Variants in B4GALT2 observed in about 807,000 individuals in gnomAD.
B4GALT2 encodes N-acetyllactosamine synthase.
A neutral mutation model predicts 33.2 loss-of-function variants in B4GALT2; 18 were observed. That is an observed-to-expected ratio of 0.54 (90% CI 0.38 to 0.80). B4GALT2 has a LOEUF of 0.80. Ranked by LOEUF, B4GALT2 falls within the 30% of genes least tolerant of loss-of-function variation. The pLI is 0.00. For missense variants in B4GALT2, 404 were observed against 526.2 expected, an observed-to-expected ratio of 0.77 and a Z score of 2.27; for synonymous variants, 214 against 217.6, an observed-to-expected ratio of 0.98 and a Z score of 0.15.
chr1:43,988,050 C>G (rs1206343822), intron 6 of B4GALT2, among the ~76,000 whole-genome samples: 1 of 152,166 alleles, frequency 6.6e-6, no homozygotes, highest in Non-Finnish European at 1.5e-5. Context: ...ATGGCAGTAG[C>G]CTTGGTGCTT....
Position 43,990,623 on chromosome 1 carries a change from C to T in B4GALT2, c.*175C>T, listed in dbSNP as rs2085720484. 1 of 889,140 alleles carries T rather than the reference C, an allele frequency of 1.1e-6. No homozygotes were observed. The highest frequency in any genetic ancestry group is 1.7e-6 in the Non-Finnish European group (1 of 597,754). 55.1% of individuals were successfully genotyped at this position (889,140 alleles called of 1,614,324 possible). On this transcript the variant is annotated 3_prime_UTR_variant, in exon 7 of 7. Coordinates refer to ENST00000372324, the MANE Select transcript of B4GALT2 (RefSeq NM_003780.5). ...AAGTTTCAGAACCCACTTTGGGGGG[C>T]CTCCTGCCTGGGCAGGCTCTTCAAG...
Position 43,981,616 on chromosome 1 carries a change from C to T in B4GALT2, c.314-73C>T, listed in dbSNP as rs2154303200. On this transcript the variant is annotated intron_variant, in intron 2 of 6. Coordinates refer to ENST00000372324, the MANE Select transcript of B4GALT2 (RefSeq NM_003780.5). The surrounding 1 kb of genome is among the most constrained non-coding windows in gnomAD (Gnocchi z 8.1). ...TTCTTGGGGTTCCCTAGCCCACCCC[C>T]AGGCTGAGGGTGGGGGCTGGTATCT... 1 of 1,545,054 alleles carries T rather than the reference C, an allele frequency of 6.5e-7. No individual in the cohort carries two copies. Among genetic ancestry groups the T allele is most frequent in the East Asian group, 2.3e-5 (1 of 44,252 alleles).
intron 6 of B4GALT2, among the ~76,000 whole-genome samples, chr1:43,989,543 G>A (rs563210858): frequency 2.1e-4 from 32 of 152,238 alleles, no homozygotes; most frequent in Admixed American, 3.9e-4. Context: ...AATATTTACG[G>A]AGGGGGTCCT....
At position 43,981,898 on chromosome 1, in the gene B4GALT2, C is replaced by T. The variant is rs148494875; in HGVS notation, c.523C>T (p.Arg175Cys). The T allele has an allele frequency of 3.7e-6, 6 of 1,613,700 alleles. No homozygotes were observed. The highest frequency in any genetic ancestry group is 2.7e-5 in the African/African-American group (2 of 74,942). The change falls in exon 3 of 7, where the codon CGC becomes TGC. Residue 175 changes from arginine (R) to cysteine (C), a missense_variant. Physicochemically the swap from Arg to Cys is radical, Grantham distance 180. Transcript: ENST00000372324. The surrounding 1 kb of genome is among the most constrained non-coding windows in gnomAD (Gnocchi z 8.1). ...LHPILRRQRLRYGVYVINQHG... is the reference protein window; with the variant it reads ...LHPILRRQRLCYGVYVINQHG... ...CCCCATCTTGAGGCGGCAGCGGCTG[C>T]GCTACGGCGTCTATGTCATCAACCA...
rs879035235 is a variant in B4GALT2, at chr1:43,990,716, A to G, written c.*268A>G. 1 of 500,842 alleles carries G rather than the reference A, an allele frequency of 2.0e-6. No individual in the cohort carries two copies. Among genetic ancestry groups the G allele is most frequent in the Non-Finnish European group, 3.6e-6 (1 of 275,780 alleles). The allele number at this position is 500,842 out of a possible 1,614,324, so 31.0% of individuals were successfully genotyped here. ...CCCTAGCCCAGCCCCAGTCACTGTC[A>G]GGGTCGGGCCAGCCCCTGCACTGCC... On this transcript the variant is annotated 3_prime_UTR_variant, in exon 7 of 7. Transcript: ENST00000372324.
At position 43,990,670 on chromosome 1, in the gene B4GALT2, C is replaced by T. The variant is rs985534758; in HGVS notation, c.*222C>T. On this transcript the variant is annotated 3_prime_UTR_variant, in exon 7 of 7. Coordinates refer to ENST00000372324, the MANE Select transcript of B4GALT2 (RefSeq NM_003780.5). ...CAAGTGTGGCCCTCTTTGGAGTCAA[C>T]CCTCCTTCCCGACCCCCTCCCCCTA... The T allele has an allele frequency of 1.6e-6, 1 of 608,948 alleles. No individual in the cohort carries two copies. The highest frequency in any genetic ancestry group is 1.9e-5 in the African/African-American group (1 of 53,868). 37.7% of individuals were successfully genotyped at this position (608,948 alleles called of 1,614,324 possible).
intron 6 of B4GALT2, among the ~76,000 whole-genome samples, chr1:43,989,542 G>T (rs1408814643): frequency 2.0e-5 from 3 of 152,126 alleles, no homozygotes; most frequent in Non-Finnish European, 4.4e-5. Context: ...GAATATTTAC[G>T]GAGGGGGTCC....
chr1:43,986,177 T>C (rs1198895100), intron 6 of B4GALT2: 1 of 156,278 alleles, frequency 6.4e-6, no homozygotes, highest in Non-Finnish European at 1.4e-5. Context: ...AAAGGGTGTG[T>C]GAAATGTAAA....
At chr1:43,989,157 A>G (rs1340216429) in intron 6 of B4GALT2, among the ~76,000 whole-genome samples, 1 of 151,824 alleles carries the variant, frequency 6.6e-6, no homozygotes, top group Admixed American at 6.6e-5. Flanking sequence ...GACCAGCCTG[A>G]CCAACATGGT....
Position 43,981,232 on chromosome 1 carries a change from C to T in B4GALT2, c.72C>T (p.Phe24=). Residue 24 remains phenylalanine (F), a synonymous_variant, in exon 2 of 7, where the codon TTC becomes TTT. Coordinates refer to ENST00000372324, the MANE Select transcript of B4GALT2 (RefSeq NM_003780.5). The surrounding 1 kb of genome is among the most constrained non-coding windows in gnomAD (Gnocchi z 8.1). ...TGCTCCTTCTCTGCCTGCTGCACTT[C>T]CTCGTGGCCGTCATCCTCTACTTTG... ...KAVLLLCLLH[F]LVAVILYFDV... is the part of the protein sequence containing the mutation. 1 of 1,605,708 alleles carries T rather than the reference C, an allele frequency of 6.2e-7. No individual in the cohort carries two copies. Among genetic ancestry groups the T allele is most frequent in the Non-Finnish European group, 8.5e-7 (1 of 1,179,880 alleles).
intron 6 of B4GALT2, 22 bp from the exon 7 acceptor site, chr1:43,990,276 G>T: frequency 6.2e-7 from 1 of 1,613,534 alleles, no homozygotes; most frequent in Non-Finnish European, 8.5e-7. Context: ...GCCCTGATGT[G>T]GACCATTTCC....
chr1:43,980,714 C>G (rs769140604), intron 1 of B4GALT2: 40 of 473,760 alleles, frequency 8.4e-5, no homozygotes, highest in Non-Finnish European at 9.8e-5. Context: ...GGCACAGGGG[C>G]ACATGGGGGT....
intron 6 of B4GALT2, 123 bp downstream of exon 6, chr1:43,985,744 A>G (rs771221434): frequency 2.1e-5 from 18 of 867,122 alleles, no homozygotes; most frequent in African/African-American, 3.3e-5. Flanking sequence ...CTTGACTCCA[A>G]AAAGGTGACT....
Position 43,979,835 on chromosome 1 carries a change from C to A in B4GALT2, c.-53+324C>A. The A allele has an allele frequency of 1.6e-6, 1 of 638,714 alleles. No individual in the cohort carries two copies. Among genetic ancestry groups the A allele is most frequent in the South Asian group, 1.9e-5 (1 of 53,704 alleles). The allele number at this position is 638,714 out of a possible 1,614,324, so 39.6% of individuals were successfully genotyped here. On this transcript the variant is annotated intron_variant, in intron 1 of 6. Transcript: ENST00000372324. The surrounding 1 kb of genome is among the most constrained non-coding windows in gnomAD (Gnocchi z 4.8). ...CCACTCCCCCTGCCCCCAGGCTCCA[C>A]ACCCACCCGGTCTGTGCGGCCTGCC...
intron 3 of B4GALT2, among the ~76,000 whole-genome samples, chr1:43,983,833 G>A (rs1373726126): frequency 6.6e-6 from 1 of 152,188 alleles, no homozygotes; most frequent in African/African-American, 2.4e-5. Context: ...AGGAGGTGCA[G>A]GAGAGGGAGA....
In B4GALT2 at chr1:43,979,630, C is replaced by T. The variant is rs868495566; in HGVS notation, c.-53+119C>T. ...ACCCAGGAGCCGGTGAGAGAGGCGCCGGCGGCCAGACCCCGGCCTGGCTGC... is the reference window on the plus strand; with the variant it reads ...ACCCAGGAGCCGGTGAGAGAGGCGCTGGCGGCCAGACCCCGGCCTGGCTGC... On this transcript the variant is annotated intron_variant, in intron 1 of 6. Transcript: ENST00000372324. The surrounding 1 kb of genome is among the most constrained non-coding windows in gnomAD (Gnocchi z 4.8). 6.9e-4 allele frequency: 121 copies of T among 175,950 alleles called. No homozygotes were observed. Among genetic ancestry groups the T allele is most frequent in the African/African-American group, 2.7e-3 (114 of 42,152 alleles). The allele number at this position is 175,950 out of a possible 1,614,324, so 10.9% of individuals were successfully genotyped here.
Position 43,990,584 on chromosome 1 carries a change from C to G in B4GALT2, c.*136C>G. 8.0e-7 allele frequency: 1 copy of G among 1,246,956 alleles called. No homozygotes were observed. Among genetic ancestry groups the G allele is most frequent in the Non-Finnish European group, 1.1e-6 (1 of 903,770 alleles). 77.2% of individuals were successfully genotyped at this position (1,246,956 alleles called of 1,614,324 possible). On this transcript the variant is annotated 3_prime_UTR_variant, in exon 7 of 7. Transcript: ENST00000372324. ...TTTCCAAGGGTCTTCACTAGGCCCC[C>G]TAGCTACACCTGGAAGTTTCAGAAC...
chr1:43,985,450 G>GGGGGGGGGGT, intron 5 of B4GALT2, 50 bp downstream of exon 5: 1 of 822,534 alleles, frequency 1.2e-6, no homozygotes, highest in Non-Finnish European at 1.8e-6. Context: ...GGGAGGGGGG[G>GGGGGGGGGGT]TGCAGACTGG....
In B4GALT2 at chr1:43,985,373, G is replaced by C; in HGVS notation, c.836G>C (p.Gly279Ala). The change falls in exon 5 of 7, where the codon GGT (glycine) becomes GCT (alanine). Residue 279 changes from glycine to alanine, a missense_variant. Coordinates refer to ENST00000372324, the MANE Select transcript of B4GALT2 (RefSeq NM_003780.5). ...NGFPNEYWGWGGEDDDIFNRI... is the reference protein window; with the variant it reads ...NGFPNEYWGWAGEDDDIFNRI... ...TTCCCCAATGAGTACTGGGGCTGGG[G>C]TGGCGAGGATGATGACATCTTCAAC... The C allele has an allele frequency of 6.2e-7, 1 of 1,611,496 alleles. No homozygotes were observed.
Sources: gnomAD v4.1 joint callset for allele counts (sites outside exome capture counted in the v4.1 genomes callset) on GRCh38, gnomAD v4.1.1 for gene constraint, Gnocchi (gnomAD v3.1) non-coding constraint, MANE v1.5 for transcripts, NCBI Gene and HGNC (gene_info 2026-07-23, HGNC 2026-07-21) for gene names.